TAFA5: variants seen among roughly 807,000 people sequenced by gnomAD.
The protein encoded by TAFA5 is TAFA chemokine like family member 5, also known as chemokine-like protein TAFA-5.
In TAFA5, 6 loss-of-function variants were observed where a neutral mutation model predicts 15.3. The observed-to-expected ratio is 0.39, with a 90% CI of 0.21 to 0.77. The LOEUF (loss-of-function observed/expected upper bound fraction) is 0.77, where lower values mean the gene tolerates loss of function less well. TAFA5 is among the 30% of genes least tolerant of loss of function. The pLI, the probability that TAFA5 is intolerant of heterozygous loss-of-function variation, is 0.41. For synonymous variants in TAFA5, 103 were observed against 80.7 expected, an observed-to-expected ratio of 1.28 and a Z score of -1.48; for missense variants, 161 against 193.1, an observed-to-expected ratio of 0.83 and a Z score of 0.98.
At chr22:48,567,789 A>C (rs1420411805) in intron 1 of TAFA5, among the ~76,000 whole-genome samples, 1 of 152,084 alleles carries the variant, frequency 6.6e-6, no homozygotes, top group Non-Finnish European at 1.5e-5. Context: ...AACAGGTGTG[A>C]CACCGCTGTC....
intron 1 of TAFA5, among the ~76,000 whole-genome samples, chr22:48,495,890 G>A (rs1264271413): frequency 6.6e-6 from 1 of 152,202 alleles, no homozygotes; most frequent in East Asian, 1.9e-4. Flanking sequence ...CCATCCCTCT[G>A]TCCAGCCCTG....
In TAFA5 at chr22:48,709,444, C is replaced by T. The variant is rs2147252600; in HGVS notation, c.390+1600C>T. Among the ~76,000 whole-genome samples, 3 of 152,236 alleles carry T rather than the reference C, an allele frequency of 2.0e-5. No homozygotes were observed. In the South Asian group the frequency reaches 6.2e-4, roughly 32 times the overall value. On this transcript the variant is annotated intron_variant, in intron 3 of 3. Coordinates refer to ENST00000402357, the MANE Select transcript of TAFA5 (RefSeq NM_001082967.3). ...AGGCCTGCGTTACCGCCCTGAGTCT[C>T]CAGCAACACAAACAGCAGGTGCATT...
At chr22:48,647,582 T>A (rs968519582) in intron 2 of TAFA5, among the ~76,000 whole-genome samples, 1 of 152,208 alleles carries the variant, frequency 6.6e-6, no homozygotes, top group Non-Finnish European at 1.5e-5. Flanking sequence ...CGGGAAGGCA[T>A]CTGGTGTCAA....
At chr22:48,581,892 A>G (rs1924058514) in intron 1 of TAFA5, among the ~76,000 whole-genome samples, 2 of 152,116 alleles carry the variant, frequency 1.3e-5, no homozygotes. Flanking sequence ...TCCTCACCTT[A>G]TTTACGCAGA....
chr22:48,679,228 T>C (rs111166641), intron 2 of TAFA5, among the ~76,000 whole-genome samples: 5 of 52,752 alleles, frequency 9.5e-5, no homozygotes, highest in Non-Finnish European at 1.1e-4. Flanking sequence ...ATCCCTCTCC[T>C]GGCTCCCCAG....
intron 1 of TAFA5, among the ~76,000 whole-genome samples, chr22:48,625,585 TCA>T (rs1926001307): frequency 6.6e-6 from 1 of 152,220 alleles, no homozygotes; most frequent in Non-Finnish European, 1.5e-5. Context: ...CTTTCCAGAA[TCA>T]CACCGGGGAG....
chr22:48,499,979 C>T (rs1305507748), intron 1 of TAFA5, among the ~76,000 whole-genome samples: 1 of 152,116 alleles, frequency 6.6e-6, no homozygotes, highest in African/African-American at 2.4e-5. Flanking sequence ...CCCTTTGTAT[C>T]CTCAGACTCC....
At chr22:48,575,974 A>G (rs917365168) in intron 1 of TAFA5, among the ~76,000 whole-genome samples, 3 of 133,000 alleles carry the variant, frequency 2.3e-5, no homozygotes, top group African/African-American at 8.5e-5. Flanking sequence ...GAGGAGGAGG[A>G]AGGCGACGCC....
At chr22:48,691,782 C>T (rs972525144) in intron 2 of TAFA5, among the ~76,000 whole-genome samples, 2 of 152,226 alleles carry the variant, frequency 1.3e-5, no homozygotes, top group Non-Finnish European at 2.9e-5. Context: ...GGGCCCCAGG[C>T]GGCTGACGTT....
At chr22:48,648,606 T>G (rs1343310824) in intron 2 of TAFA5, among the ~76,000 whole-genome samples, 1 of 152,082 alleles carries the variant, frequency 6.6e-6, no homozygotes, top group Non-Finnish European at 1.5e-5. Context: ...TATGGGAGGC[T>G]GAGGCAGGTG....
In TAFA5 at chr22:48,750,233, A is replaced by C. The variant is rs574579721; in HGVS notation, c.*386A>C. ...CCGCCTGAGACACGACGCCTGCCCC[A>C]GGGGACTGTCAGGCACAGAAGCGGC... On this transcript the variant is annotated 3_prime_UTR_variant, in exon 4 of 4. Transcript: ENST00000402357. 3.5e-5 allele frequency: 11 copies of C among 317,958 alleles called. No individual in the cohort carries two copies. The highest frequency in any genetic ancestry group is 2.2e-4 in the African/African-American group (10 of 46,428). The allele number at this position is 317,958 out of a possible 1,614,324, so 19.7% of individuals were successfully genotyped here. A position where few individuals can be genotyped will look rare whatever the true frequency, so the allele number is the denominator to read the frequency against.
At chr22:48,706,386 G>T (rs1377553402) in intron 2 of TAFA5, among the ~76,000 whole-genome samples, 1 of 152,218 alleles carries the variant, frequency 6.6e-6, no homozygotes, top group African/African-American at 2.4e-5. Flanking sequence ...GGAGGAAAAG[G>T]CCCACCCTGG....
chr22:48,585,350 C>T (rs962396743), intron 1 of TAFA5, among the ~76,000 whole-genome samples: 39 of 149,702 alleles, frequency 2.6e-4, no homozygotes, highest in African/African-American at 8.9e-4. Flanking sequence ...TAAAATACAC[C>T]ACATACACAT....
Position 48,671,793 on chromosome 22 carries a change from C to T in TAFA5, c.262+25047C>T, listed in dbSNP as rs942868860. On this transcript the variant is annotated intron_variant, in intron 2 of 3. Coordinates refer to ENST00000402357, the MANE Select transcript of TAFA5 (RefSeq NM_001082967.3). ...TGGTGCCTGTCCCTGGAGAGTCTCT[C>T]AACTGTGACTCAGAAATCAGCTCCC... Among the ~76,000 whole-genome samples the T allele has an allele frequency of 2.6e-5, 4 of 152,174 alleles. No individual in the cohort carries two copies. In the South Asian group the frequency reaches 8.3e-4, roughly 32 times the overall value.
intron 2 of TAFA5, among the ~76,000 whole-genome samples, chr22:48,690,832 T>G (rs1383413716): frequency 6.6e-6 from 1 of 151,826 alleles, no homozygotes; most frequent in African/African-American, 2.4e-5. Flanking sequence ...CAGCCCAGGC[T>G]TGGGGGGCCG....
rs186987233 is a variant in TAFA5 at position 48,713,871 on chromosome 22, G to A, written c.390+6027G>A. Among the ~76,000 whole-genome samples, 12 of 152,322 alleles carry A rather than the reference G, an allele frequency of 7.9e-5. No homozygotes were observed. In the East Asian group the frequency reaches 1.7e-3, roughly 22 times the overall value. On this transcript the variant is annotated intron_variant, in intron 3 of 3. Coordinates refer to ENST00000402357, the MANE Select transcript of TAFA5 (RefSeq NM_001082967.3). ...CAAACCGTGAGGTCTCTTCGTTCTC[G>A]GATTCTGAGGGCTTAGCATGTGTCA... is the stretch of plus-strand genomic sequence containing the variant.
rs893726441 is a variant in TAFA5 at position 48,530,113 on chromosome 22, C to G, written c.112+40409C>G. ...GAGGGAAGCCCTGGCGTCTGCAGAC[C>G]CTCCTGTACTGATGACCTGTACCAC... On this transcript the variant is annotated intron_variant, in intron 1 of 3. Coordinates refer to ENST00000402357, the MANE Select transcript of TAFA5 (RefSeq NM_001082967.3). This position sits in a 1 kb window ranked among gnomAD's most constrained non-coding sequence, Gnocchi z 6.0. 6.6e-6 allele frequency among the ~76,000 whole-genome samples: 1 copy of G among 152,078 alleles called. No individual in the cohort carries two copies. The highest frequency in any genetic ancestry group is 2.4e-5 in the African/African-American group (1 of 41,404).
chr22:48,618,979 G>T (rs1925712170), intron 1 of TAFA5, among the ~76,000 whole-genome samples: 2 of 152,220 alleles, frequency 1.3e-5, no homozygotes, highest in African/African-American at 4.8e-5. Flanking sequence ...AATGTCAGGG[G>T]TTGTTAGAAG....
chr22:48,536,939 G>A (rs1403453648), intron 1 of TAFA5, among the ~76,000 whole-genome samples: 1 of 152,216 alleles, frequency 6.6e-6, no homozygotes, highest in Admixed American at 6.5e-5. Context: ...GCTGCAGCTG[G>A]CTGAGTTCTG....
Sources: allele counts gnomAD v4.1 joint callset (sites outside exome capture counted in the v4.1 genomes callset), GRCh38; gene constraint gnomAD v4.1.1; non-coding constraint Gnocchi (gnomAD v3.1); transcripts MANE v1.5; gene names NCBI Gene and HGNC (gene_info 2026-07-23, HGNC 2026-07-21).